The following SCHIP1 variants were observed in gnomAD, a reference collection of about 807,000 sequenced individuals.
SCHIP1 encodes the protein schwannomin-interacting protein 1.
Under a neutral mutation model 29.7 loss-of-function variants are expected in SCHIP1, and 8 were observed. The observed-to-expected ratio is 0.27, with a 90% CI of 0.16 to 0.49. SCHIP1 has a LOEUF of 0.49. Among genes scored for constraint, SCHIP1 ranks in the 20% least tolerant of loss-of-function variants. SCHIP1 has a pLI of 0.99. For synonymous variants in SCHIP1, 76 were observed against 94.9 expected, an observed-to-expected ratio of 0.80 and a Z score of 1.16; for missense variants, 193 against 294.6, an observed-to-expected ratio of 0.66 and a Z score of 2.52.
chr3:159,547,999 C>T, the SCHIP1 span, among the ~76,000 whole-genome samples: 1 of 152,042 alleles, frequency 6.6e-6, no homozygotes, highest in African/African-American at 2.4e-5. Flanking sequence ...AATGTTGAAC[C>T]AATCTTGTAT....
At chr3:159,589,506 G>A in the SCHIP1 span, among the ~76,000 whole-genome samples, 1 of 152,156 alleles carries the variant, frequency 6.6e-6, no homozygotes, top group African/African-American at 2.4e-5. Flanking sequence ...ATGTTGAATA[G>A]GGGTGGTGAG....
At chr3:159,461,971 A>AG in the SCHIP1 span, among the ~76,000 whole-genome samples, 2 of 152,158 alleles carry the variant, frequency 1.3e-5, no homozygotes, top group Non-Finnish European at 1.5e-5. Flanking sequence ...GCACTTTGAA[A>AG]GGCCGAGGTG....
chr3:159,637,371 C>CA, the SCHIP1 span, among the ~76,000 whole-genome samples: 1 of 134,660 alleles, frequency 7.4e-6, no homozygotes, highest in South Asian at 2.7e-4. Flanking sequence ...CCGGCCCCAG[C>CA]CACACACACA....
chr3:159,818,086 C>T, the SCHIP1 span, among the ~76,000 whole-genome samples: 4 of 152,236 alleles, frequency 2.6e-5, no homozygotes, highest in South Asian at 8.3e-4. Context: ...GGAGTGTTCA[C>T]AAAGCCAGCA....
chr3:159,391,570 C>CAGTCT, the SCHIP1 span, among the ~76,000 whole-genome samples: 1 of 152,162 alleles, frequency 6.6e-6, no homozygotes, highest in African/African-American at 2.4e-5. Context: ...ACTTTTGTTT[C>CAGTCT]AGTCTAGTTC....
At chr3:159,734,787 CT>C in the SCHIP1 span, among the ~76,000 whole-genome samples, 2,718 of 110,458 alleles carry the variant, frequency 0.025, 19 homozygotes, top group South Asian at 0.059. Context: ...CTTTTCTTGT[CT>C]TTTTTTTTTT....
the SCHIP1 span, among the ~76,000 whole-genome samples, chr3:159,808,763 A>T: frequency 6.6e-6 from 1 of 152,224 alleles, no homozygotes; most frequent in East Asian, 1.9e-4. Flanking sequence ...ACTTCATTAT[A>T]TACAAAAAAT....
the SCHIP1 span, among the ~76,000 whole-genome samples, chr3:159,395,185 T>A: frequency 1.3e-5 from 2 of 152,214 alleles, no homozygotes; most frequent in Non-Finnish European, 2.9e-5. Flanking sequence ...TCATTTTTTA[T>A]TGCATCTATT....
chr3:159,749,894 A>G, the SCHIP1 span, among the ~76,000 whole-genome samples: 1 of 152,178 alleles, frequency 6.6e-6, no homozygotes, highest in Non-Finnish European at 1.5e-5. Context: ...TTTATAGGCT[A>G]TTAGTTATTA....
the SCHIP1 span, among the ~76,000 whole-genome samples, chr3:159,414,866 A>G: frequency 6.6e-6 from 1 of 152,114 alleles, no homozygotes; most frequent in Non-Finnish European, 1.5e-5. Context: ...TCATGATCCT[A>G]TGAGATTCTA....
chr3:159,769,149 G>C, the SCHIP1 span, among the ~76,000 whole-genome samples: 2 of 152,084 alleles, frequency 1.3e-5, no homozygotes, highest in Admixed American at 6.5e-5. Flanking sequence ...CACAGGACTG[G>C]ACAGTTTTCC....
At chr3:159,694,600 GAA>G in the SCHIP1 span, among the ~76,000 whole-genome samples, 4 of 128,254 alleles carry the variant, frequency 3.1e-5, no homozygotes, top group African/African-American at 1.2e-4. Context: ...AAGAAAGAAA[GAA>G]AGAAAGGAAT....
At chr3:159,862,926 C>T (rs958875527) in intron 1 of SCHIP1, among the ~76,000 whole-genome samples, 3 of 152,164 alleles carry the variant, frequency 2.0e-5, no homozygotes, top group Non-Finnish European at 4.4e-5. Context: ...TTTTCGAGAG[C>T]AATGTGACAA....
chr3:159,639,179 A>G, the SCHIP1 span, among the ~76,000 whole-genome samples: 62 of 152,316 alleles, frequency 4.1e-4, no homozygotes, highest in South Asian at 0.012. Context: ...TAGCAGGCAC[A>G]TATCAGATCA....
At chr3:159,674,598 T>TAAA in the SCHIP1 span, among the ~76,000 whole-genome samples, 3,390 of 53,864 alleles carry the variant, frequency 0.063, 165 homozygotes, top group Non-Finnish European at 0.096. Flanking sequence ...GGGTCAGGAT[T>TAAA]AAAAAAAAAA....
chr3:159,890,999 C>G (rs1241250934), intron 5 of SCHIP1, among the ~76,000 whole-genome samples: 1 of 152,120 alleles, frequency 6.6e-6, no homozygotes, highest in Non-Finnish European at 1.5e-5. Flanking sequence ...AGGGAAAAAG[C>G]AAGAGAGAGC....
chr3:159,889,079 A>G, intron 5 of SCHIP1, 136 bp downstream of exon 6: 1 of 1,239,300 alleles, frequency 8.1e-7, no homozygotes, highest in Non-Finnish European at 1.1e-6. Context: ...AGAGAATCAC[A>G]AGGCTCTTTT....
At chr3:159,401,381 A>G in the SCHIP1 span, 1 of 969,582 alleles carries the variant, frequency 1.0e-6, no homozygotes, top group African/African-American at 1.8e-5. Context: ...AGGTTGAGTG[A>G]CATCTATTTG....
At chr3:159,531,617 A>G in the SCHIP1 span, among the ~76,000 whole-genome samples, 2 of 152,204 alleles carry the variant, frequency 1.3e-5, no homozygotes, top group Non-Finnish European at 2.9e-5. Context: ...CAATTAATCA[A>G]TCAATGCAAA....
Sources: gnomAD v4.1 joint callset for allele counts (sites outside exome capture counted in the v4.1 genomes callset) on GRCh38, gnomAD v4.1.1 for gene constraint, MANE v1.5 for transcripts, NCBI Gene and HGNC (gene_info 2026-07-23, HGNC 2026-07-21) for gene names.